SERTM1: variants seen among roughly 807,000 people sequenced by gnomAD.
SERTM1 encodes the protein serine rich and transmembrane domain containing 1.
A neutral mutation model predicts 5.5 loss-of-function variants in SERTM1; 1 was observed. The observed-to-expected ratio is 0.18, with a 90% CI of 0.06 to 0.86. SERTM1 has a LOEUF of 0.86. SERTM1 is among the 40% of genes least tolerant of loss of function. SERTM1 has a pLI of 0.69. For missense variants in SERTM1, 91 were observed against 122.4 expected (o/e 0.74, Z 1.21); for synonymous variants, 52 against 55.1 (o/e 0.94, Z 0.25).
At chr13:36,683,558 G>A (rs1365551705) in intron 1 of SERTM1, among the ~76,000 whole-genome samples, 3 of 152,138 alleles carry the variant, frequency 2.0e-5, no homozygotes, top group Non-Finnish European at 2.9e-5. Flanking sequence ...GTTGACATAA[G>A]TGTCAATGGG....
chr13:36,695,262 G>A lies in SERTM1; in HGVS notation c.184G>A (p.Ala62Thr), dbSNP rs1333905768. The A allele has an allele frequency of 6.2e-7, 1 of 1,614,022 alleles. No individual in the cohort carries two copies. Among genetic ancestry groups the A allele is most frequent in the Non-Finnish European group, 8.5e-7 (1 of 1,180,012 alleles). ...LAFLLLLLIIALQRLKNIISS... is the reference protein window; with the variant it reads ...LAFLLLLLIITLQRLKNIISS... ...GTTTCTGCTTCTGCTTTTAATCATT[G>A]CCCTCCAGAGGCTCAAAAATATCAT... The change falls in exon 2 of 2, where the codon GCC becomes ACC. Residue 62 changes from alanine (A) to threonine (T), a missense_variant. By Grantham distance (58) the Ala-to-Thr change is moderately conservative. Transcript: ENST00000315190.
intron 1 of SERTM1, among the ~76,000 whole-genome samples, chr13:36,674,532 T>C (rs976518871): frequency 1.3e-5 from 2 of 152,098 alleles, no homozygotes; most frequent in Non-Finnish European, 2.9e-5. Flanking sequence ...CGGGAAGGTC[T>C]ACCCTCGCTC....
intron 1 of SERTM1, among the ~76,000 whole-genome samples, chr13:36,692,273 C>T (rs1345297410): frequency 6.6e-6 from 1 of 152,168 alleles, no homozygotes; most frequent in Non-Finnish European, 1.5e-5. Context: ...AGTTGAGGCT[C>T]ATGGTGGGGT....
chr13:36,692,079 A>G (rs2056782886), intron 1 of SERTM1, among the ~76,000 whole-genome samples: 1 of 152,258 alleles, frequency 6.6e-6, no homozygotes, highest in Admixed American at 6.5e-5. Context: ...TACCCCGGAA[A>G]TGGTATTAAA....
intron 1 of SERTM1, among the ~76,000 whole-genome samples, chr13:36,677,347 C>A (rs2056676855): frequency 6.6e-6 from 1 of 152,138 alleles, no homozygotes; most frequent in African/African-American, 2.4e-5. Context: ...CTCCACATTT[C>A]CATCAGAAAT....
chr13:36,694,813 G>C lies in SERTM1; in HGVS notation c.-173-93G>C, dbSNP rs639919. On this transcript the variant is annotated intron_variant, in intron 1 of 1. Transcript: ENST00000315190. Reference sequence around the variant, plus strand: ...TATCATCTTGTTTCCTCCATGCTGAGTTTTCTAACTAATCCTTACTGAAAT... The same window carrying C: ...TATCATCTTGTTTCCTCCATGCTGACTTTTCTAACTAATCCTTACTGAAAT... The C allele has an allele frequency of 1.6e-3, 733 of 463,714 alleles. 5 individuals carry two copies. The highest frequency in any genetic ancestry group is 0.014 in the African/African-American group (684 of 50,120). 28.7% of individuals were successfully genotyped at this position (463,714 alleles called of 1,614,324 possible).
At chr13:36,677,210 T>C (rs1175447202) in intron 1 of SERTM1, among the ~76,000 whole-genome samples, 1 of 152,116 alleles carries the variant, frequency 6.6e-6, no homozygotes, top group Non-Finnish European at 1.5e-5. Context: ...TTACTAACTT[T>C]GGAAATTTTT....
At chr13:36,683,068 C>T (rs998984992) in intron 1 of SERTM1, among the ~76,000 whole-genome samples, 2 of 152,038 alleles carry the variant, frequency 1.3e-5, no homozygotes, top group Non-Finnish European at 2.9e-5. Flanking sequence ...GACCCTTGTA[C>T]GATGAGTTTT....
chr13:36,691,913 A>G (rs1228019950), intron 1 of SERTM1, among the ~76,000 whole-genome samples: 1 of 152,232 alleles, frequency 6.6e-6, no homozygotes, highest in Non-Finnish European at 1.5e-5. Flanking sequence ...CTACTGTTAA[A>G]TAAAACCAAA....
intron 1 of SERTM1, among the ~76,000 whole-genome samples, chr13:36,681,850 T>G (rs554311848): frequency 6.6e-6 from 1 of 152,340 alleles, no homozygotes; most frequent in South Asian, 2.1e-4. Flanking sequence ...TTCACAAGAA[T>G]GTATTTCAGT....
chr13:36,689,081 C>A (rs2056760554), intron 1 of SERTM1, among the ~76,000 whole-genome samples: 1 of 152,160 alleles, frequency 6.6e-6, no homozygotes, highest in South Asian at 2.1e-4. Flanking sequence ...ACCGTTTTAT[C>A]TAGAAAATTA....
intron 1 of SERTM1, among the ~76,000 whole-genome samples, chr13:36,687,987 A>AT (rs140144062): frequency 0.11 from 16,564 of 152,110 alleles, 1,200 homozygotes; most frequent in Non-Finnish European, 0.16. Flanking sequence ...TGGCTGACTT[A>AT]TTCCCAGGGG....
intron 1 of SERTM1, among the ~76,000 whole-genome samples, chr13:36,677,990 A>G (rs576476567): frequency 5.3e-5 from 8 of 152,304 alleles, no homozygotes; most frequent in South Asian, 2.1e-4. Context: ...TGAAAAAAAA[A>G]TGGTAGAAAT....
chr13:36,695,417 T>C lies in SERTM1; in HGVS notation c.*15T>C. ...TTTCATCCTGAGGAAAATGGAAGAG[T>C]CCTTGAGTGTGGCAGCAGTTTTGAC... On this transcript the variant is annotated 3_prime_UTR_variant, in exon 2 of 2. Transcript: ENST00000315190. 6.3e-7 allele frequency: 1 copy of C among 1,595,358 alleles called. No homozygotes were observed. Among genetic ancestry groups the C allele is most frequent in the Non-Finnish European group, 8.6e-7 (1 of 1,167,346 alleles).
At chr13:36,687,209 A>G (rs2056746955) in intron 1 of SERTM1, among the ~76,000 whole-genome samples, 3 of 152,206 alleles carry the variant, frequency 2.0e-5, no homozygotes. Context: ...TGAATTAAAA[A>G]TGTCATTAAG....
rs999804510 is a variant in SERTM1 at position 36,674,062 on chromosome 13, G to T, written c.-296G>T. The T allele has an allele frequency of 6.6e-6, 1 of 152,276 alleles. No individual in the cohort carries two copies. Among genetic ancestry groups the T allele is most frequent in the African/African-American group, 2.4e-5 (1 of 41,456 alleles). The allele number at this position is 152,276 out of a possible 1,614,324, so 9.4% of individuals were successfully genotyped here. A position where few individuals can be genotyped will look rare whatever the true frequency, so the allele number is the denominator to read the frequency against. ...TGTCCGCCGTGCGCCCAGACTGCGC[G>T]CCGCGCCGCTGCGCCCAACATTCCC... On this transcript the variant is annotated 5_prime_UTR_variant, in exon 1 of 2. Coordinates refer to ENST00000315190, the MANE Select transcript of SERTM1 (RefSeq NM_203451.3).
At chr13:36,688,543 G>A (rs1045367225) in intron 1 of SERTM1, among the ~76,000 whole-genome samples, 1 of 152,020 alleles carries the variant, frequency 6.6e-6, no homozygotes, top group Admixed American at 6.5e-5. Flanking sequence ...GTCTAGTTTT[G>A]CTAAAAATAA....
At chr13:36,689,543 AATAGTTT>A (rs1373877397) in intron 1 of SERTM1, among the ~76,000 whole-genome samples, 2 of 130,592 alleles carry the variant, frequency 1.5e-5, no homozygotes, top group African/African-American at 5.5e-5. Context: ...TAATAATAAT[AATAGTTT>A]TTTTCCCCCA....
chr13:36,685,388 A>C (rs2138090348), intron 1 of SERTM1, among the ~76,000 whole-genome samples: 1 of 152,190 alleles, frequency 6.6e-6, no homozygotes, highest in South Asian at 2.1e-4. Flanking sequence ...TAGATGAGTA[A>C]TTTTGCAGCC....
Sources: allele counts gnomAD v4.1 joint callset (sites outside exome capture counted in the v4.1 genomes callset), GRCh38; gene constraint gnomAD v4.1.1; transcripts MANE v1.5; gene names NCBI Gene and HGNC (gene_info 2026-07-23, HGNC 2026-07-21).